CNTN4: variants seen among roughly 807,000 people sequenced by gnomAD.
CNTN4 encodes the protein contactin-4.
Under a neutral mutation model 122.5 loss-of-function variants are expected in CNTN4, and 77 were observed. That is an observed-to-expected ratio of 0.63 (90% confidence interval 0.52 to 0.76). The LOEUF is 0.76. Ranked by LOEUF, CNTN4 falls within the 30% of genes least tolerant of loss-of-function variation. CNTN4 has a pLI of 0.00. For synonymous variants in CNTN4, 512 were observed against 447.0 expected, an observed-to-expected ratio of 1.15 and a Z score of -1.83; for missense variants, 1,256 against 1,259.1, an observed-to-expected ratio of 1.00 and a Z score of 0.04.
intron 3 of CNTN4, among the ~76,000 whole-genome samples, chr3:2,450,891 A>C (rs574651978): frequency 6.6e-6 from 1 of 152,212 alleles, no homozygotes; most frequent in Non-Finnish European, 1.5e-5. Flanking sequence ...TACCATAGGC[A>C]GGCAAGAACC....
intron 3 of CNTN4, among the ~76,000 whole-genome samples, chr3:2,548,998 A>G (rs1037151839): frequency 4.1e-4 from 62 of 152,156 alleles, no homozygotes; most frequent in African/African-American, 1.3e-3. Flanking sequence ...GGTGTTTAGG[A>G]ATGCTTGTGA....
intron 7 of CNTN4, among the ~76,000 whole-genome samples, chr3:2,843,576 A>G (rs2093402283): frequency 6.6e-6 from 1 of 152,152 alleles, no homozygotes; most frequent in Admixed American, 6.5e-5. Context: ...ATGGGAGTGG[A>G]TCCTTCACGG....
intron 14 of CNTN4, among the ~76,000 whole-genome samples, chr3:3,003,248 GC>G (rs1696226414): frequency 6.6e-6 from 1 of 152,164 alleles, no homozygotes; most frequent in African/African-American, 2.4e-5. Flanking sequence ...TTAAAACTGA[GC>G]CATGTGTAGA....
chr3:3,035,475 G>A (rs1013634644), intron 17 of CNTN4, among the ~76,000 whole-genome samples: 3 of 152,106 alleles, frequency 2.0e-5, no homozygotes, highest in Admixed American at 6.5e-5. Flanking sequence ...CCTGACTATA[G>A]TCACTTAATA....
At chr3:2,648,867 A>G (rs2083243615) in intron 4 of CNTN4, among the ~76,000 whole-genome samples, 1 of 152,222 alleles carries the variant, frequency 6.6e-6, no homozygotes, top group South Asian at 2.1e-4. Flanking sequence ...CTTGAAGGAA[A>G]TTAAAAGTGC....
chr3:3,032,409 A>G (rs568423115), intron 16 of CNTN4, among the ~76,000 whole-genome samples: 1 of 152,368 alleles, frequency 6.6e-6, no homozygotes, highest in East Asian at 1.9e-4. Flanking sequence ...CACAGAAAAT[A>G]ACATTAAATA....
At chr3:3,017,515 G>A (rs762112741) in intron 14 of CNTN4, among the ~76,000 whole-genome samples, 16 of 152,324 alleles carry the variant, frequency 1.1e-4, no homozygotes, top group African/African-American at 3.8e-4. Context: ...ACTTGGAGCT[G>A]AGCTCCCTTC....
chr3:2,581,889 A>G (rs73110635), intron 4 of CNTN4, among the ~76,000 whole-genome samples: 2,002 of 152,364 alleles, frequency 0.013, 39 homozygotes, highest in African/African-American at 0.046. Context: ...GAATGAAGCC[A>G]GAGACAAAGG....
chr3:2,996,276 A>T (rs1189566755), intron 14 of CNTN4, among the ~76,000 whole-genome samples: 1 of 152,136 alleles, frequency 6.6e-6, no homozygotes, highest in Non-Finnish European at 1.5e-5. Flanking sequence ...ATATTGGTAA[A>T]TTTTTGTTGT....
chr3:2,825,429 G>A (rs1288424204), intron 7 of CNTN4, among the ~76,000 whole-genome samples: 2 of 151,876 alleles, frequency 1.3e-5, no homozygotes, highest in African/African-American at 4.8e-5. Flanking sequence ...TTGCCATGTT[G>A]ACCAGGCTGG....
intron 23 of CNTN4, 61 bp from the exon 24 acceptor site, chr3:3,053,746 G>A (rs575643548): frequency 6.4e-7 from 1 of 1,554,546 alleles, no homozygotes; most frequent in Admixed American, 1.7e-5. Flanking sequence ...ACAAATGAAT[G>A]CTCCATATTT....
intron 7 of CNTN4, among the ~76,000 whole-genome samples, chr3:2,850,567 G>A (rs1362648266): frequency 6.6e-6 from 1 of 152,166 alleles, no homozygotes; most frequent in African/African-American, 2.4e-5. Context: ...GCGAAACCAT[G>A]TTCTGTGCCA....
At chr3:2,932,800 C>CTTTA (rs71058655) in intron 13 of CNTN4, among the ~76,000 whole-genome samples, 8,637 of 148,798 alleles carry the variant, frequency 0.058, 406 homozygotes, top group African/African-American at 0.11. Flanking sequence ...TGCTTACAGT[C>CTTTA]TTTATTTATT....
chr3:2,964,707 T>A (rs955320648), intron 13 of CNTN4, among the ~76,000 whole-genome samples: 1 of 152,190 alleles, frequency 6.6e-6, no homozygotes, highest in African/African-American at 2.4e-5. Context: ...TAGCACTTTG[T>A]AGTTTTCAAA....
At chr3:3,018,720 T>C (rs753574820) in intron 14 of CNTN4, among the ~76,000 whole-genome samples, 2 of 152,230 alleles carry the variant, frequency 1.3e-5, no homozygotes, top group African/African-American at 2.4e-5. Flanking sequence ...CCCAGCTCTG[T>C]TGCTGAGAAG....
At chr3:2,449,427 C>G (rs1559561983) in intron 3 of CNTN4, among the ~76,000 whole-genome samples, 1 of 151,976 alleles carries the variant, frequency 6.6e-6, no homozygotes, top group African/African-American at 2.4e-5. Flanking sequence ...CCAGCCTGGC[C>G]AACATGGCAA....
chr3:2,665,133 C>G (rs2084088212), intron 4 of CNTN4, among the ~76,000 whole-genome samples: 1 of 152,138 alleles, frequency 6.6e-6, no homozygotes, highest in Non-Finnish European at 1.5e-5. Context: ...GGACACCCTC[C>G]TTAAAGACCT....
chr3:2,560,174 C>T (rs1012486597), intron 3 of CNTN4, among the ~76,000 whole-genome samples: 4 of 151,170 alleles, frequency 2.6e-5, no homozygotes, highest in East Asian at 1.9e-4. Context: ...GGGTTTCACT[C>T]CCATCACCCA....
chr3:2,482,247 G>C (rs1208969459), intron 3 of CNTN4, among the ~76,000 whole-genome samples: 1 of 152,162 alleles, frequency 6.6e-6, no homozygotes, highest in Non-Finnish European at 1.5e-5. Context: ...CTGGAGCAGA[G>C]GTGACTTGCT....
Sources: gnomAD v4.1 joint callset for allele counts (sites outside exome capture counted in the v4.1 genomes callset) on GRCh38, gnomAD v4.1.1 for gene constraint, MANE v1.5 for transcripts, NCBI Gene and HGNC (gene_info 2026-07-23, HGNC 2026-07-21) for gene names.